MARS1: variants seen among roughly 807,000 people sequenced by gnomAD.
The protein encoded by MARS1 is methionine--tRNA ligase, cytoplasmic.
In MARS1, 80 loss-of-function variants were observed where a neutral mutation model predicts 119.5. The ratio of observed to expected loss-of-function variants is 0.67; its 90% CI spans 0.56 to 0.81. MARS1 has a LOEUF of 0.81. Among genes scored for constraint, MARS1 ranks in the 30% least tolerant of loss-of-function variants. MARS1 has a pLI of 0.00. For synonymous variants in MARS1, 418 were observed against 433.4 expected, an observed-to-expected ratio of 0.96 and a Z score of 0.44; for missense variants, 945 against 1,116.5, an observed-to-expected ratio of 0.85 and a Z score of 2.19.
Position 57,490,212 on chromosome 12 carries a change from C to G in MARS1, c.496C>G (p.Leu166Val), listed in dbSNP as rs760702485. 4 of 1,612,386 alleles carry G rather than the reference C, an allele frequency of 2.5e-6. No individual in the cohort carries two copies. The highest frequency in any genetic ancestry group is 3.4e-6 in the Non-Finnish European group (4 of 1,179,442). ...CTTTTCTTCCATACCCACAGAGGAG[C>G]TGAGTGCCCTGCACAGCTGGTTCCA... ...LQDPAYLPEE[L>V]SALHSWFQTL... Residue 166 changes from leucine to valine, a missense_variant, in exon 6 of 21, where the codon CTG becomes GTG. Transcript: ENST00000262027.
intron 11 of MARS1, among the ~76,000 whole-genome samples, chr12:57,505,164 G>GTTT (rs34010387): frequency 2.8e-5 from 4 of 140,504 alleles, no homozygotes; most frequent in Non-Finnish European, 3.1e-5. Context: ...CTCCTGATTT[G>GTTT]TTTTTTTTTT....
chr12:57,495,401 C>T (rs1471706617), intron 7 of MARS1, among the ~76,000 whole-genome samples: 14 of 143,796 alleles, frequency 9.7e-5, no homozygotes, highest in Admixed American at 4.0e-4. Context: ...ACATCTCAGA[C>T]GGGGCGGCGG....
chr12:57,495,386 T>C (rs1876558832), intron 7 of MARS1, among the ~76,000 whole-genome samples: 1 of 138,994 alleles, frequency 7.2e-6, no homozygotes, highest in African/African-American at 3.0e-5. Context: ...GCAGAGGCGC[T>C]CCTCACATCT....
At chr12:57,516,382 A>T in intron 20 of MARS1, 45 bp downstream of exon 20, 1 of 1,612,288 alleles carries the variant, frequency 6.2e-7, no homozygotes, top group Non-Finnish European at 8.5e-7. Context: ...GCTGAATCCT[A>T]AATAGATCTT....
rs377287485 is a variant in MARS1 at position 57,514,221 on chromosome 12, G to A, written c.1968-499G>A. ...TGCCCAGGCTGGAGTGCAGTGGCGCGATCTTGGCTCACTGCAACCTCCGCC... is the reference window on the plus strand; with the variant it reads ...TGCCCAGGCTGGAGTGCAGTGGCGCAATCTTGGCTCACTGCAACCTCCGCC... On this transcript the variant is annotated intron_variant, in intron 15 of 20. Coordinates refer to ENST00000262027, the MANE Select transcript of MARS1 (RefSeq NM_004990.4). Among the ~76,000 whole-genome samples the A allele has an allele frequency of 2.0e-3, 297 of 145,178 alleles. 3 individuals carry two copies. Among genetic ancestry groups the A allele is most frequent in the South Asian group, 8.0e-3 (36 of 4,490 alleles).
Position 57,500,540 on chromosome 12 carries a change from A to C in MARS1, c.1293+18A>C. 4 of 1,611,938 alleles carry C rather than the reference A, an allele frequency of 2.5e-6. No homozygotes were observed. Among genetic ancestry groups the C allele is most frequent in the Non-Finnish European group, 3.4e-6 (4 of 1,178,576 alleles). On this transcript the variant is annotated intron_variant, in intron 10 of 20. Transcript: ENST00000262027. ...AGCTTAAGGTAAGAGGAGGGTCTCC[A>C]TGGGAGCCCGGAAGGAGACAGTCCT...
At chr12:57,511,028 G>A (rs1389466723) in intron 11 of MARS1, among the ~76,000 whole-genome samples, 1 of 151,638 alleles carries the variant, frequency 6.6e-6, no homozygotes, top group Non-Finnish European at 1.5e-5. Context: ...GAGCCATGAT[G>A]TGCCACTGTA....
chr12:57,490,980 G>A lies in MARS1; in HGVS notation c.770+336G>A, dbSNP rs370755104. ...CAACCTCCGCCTCCCGGGTTCAAGCGAGTCTCCTGCCTTAGCCTCCCAAGT... is the reference window on the plus strand; with the variant it reads ...CAACCTCCGCCTCCCGGGTTCAAGCAAGTCTCCTGCCTTAGCCTCCCAAGT... On this transcript the variant is annotated intron_variant, in intron 7 of 20. Transcript: ENST00000262027. Among the ~76,000 whole-genome samples, 4 of 149,976 alleles carry A rather than the reference G, an allele frequency of 2.7e-5. No individual in the cohort carries two copies. The South Asian group carries it at 6.3e-4, about 24-fold the overall frequency.
At chr12:57,506,075 T>C (rs925169011) in intron 11 of MARS1, among the ~76,000 whole-genome samples, 1 of 151,938 alleles carries the variant, frequency 6.6e-6, no homozygotes, top group African/African-American at 2.4e-5. Context: ...CTGGGCAACA[T>C]GGTGAGACCC....
chr12:57,493,336 T>C (rs1396635954), intron 7 of MARS1, among the ~76,000 whole-genome samples: 8 of 102,840 alleles, frequency 7.8e-5, no homozygotes, highest in African/African-American at 1.6e-4. Flanking sequence ...ATATATAATA[T>C]ATGTTATATA....
chr12:57,498,613 C>A lies in MARS1; in HGVS notation c.1081C>A (p.Gln361Lys). 1 of 1,614,098 alleles carries A rather than the reference C, an allele frequency of 6.2e-7. No individual in the cohort carries two copies. The highest frequency in any genetic ancestry group is 1.1e-5 in the South Asian group (1 of 91,086). ...FDIFGRTTTP[Q>K]QTKITQDIFQ... is the part of the protein sequence containing the mutation. ...TATTTTTGGTCGCACCACCACTCCACAGCAGACCAAGTAAGTTTCCTCTAA... is the reference window on the plus strand; with the variant it reads ...TATTTTTGGTCGCACCACCACTCCAAAGCAGACCAAGTAAGTTTCCTCTAA... Residue 361 changes from glutamine to lysine, a missense_variant, in exon 9 of 21, where the codon CAG becomes AAG. Gln to Lys is a moderately conservative substitution (Grantham distance 53, BLOSUM62 1). Coordinates refer to ENST00000262027, the MANE Select transcript of MARS1 (RefSeq NM_004990.4).
intron 15 of MARS1, among the ~76,000 whole-genome samples, chr12:57,513,287 T>G: frequency 6.6e-6 from 1 of 152,078 alleles, no homozygotes; most frequent in East Asian, 1.9e-4. Flanking sequence ...CATTGAAAAG[T>G]TTGGCTGAAG....
At chr12:57,493,847 A>G (rs1224607101) in intron 7 of MARS1, among the ~76,000 whole-genome samples, 1 of 4,960 alleles carries the variant, frequency 2.0e-4, no homozygotes, top group Non-Finnish European at 2.6e-3. Context: ...TATAATATAT[A>G]ATATATATAT....
At chr12:57,510,427 C>T (rs887810418) in intron 11 of MARS1, among the ~76,000 whole-genome samples, 4 of 151,586 alleles carry the variant, frequency 2.6e-5, no homozygotes, top group African/African-American at 7.3e-5. Context: ...GAGCTGAGAT[C>T]GTGCCACTGC....
At chr12:57,514,157 CTTTT>C (rs568624285) in intron 15 of MARS1, among the ~76,000 whole-genome samples, 3 of 131,218 alleles carry the variant, frequency 2.3e-5, no homozygotes, top group Admixed American at 7.8e-5. Context: ...TGAGTAATGA[CTTTT>C]TTTTTTTTTT....
intron 7 of MARS1, among the ~76,000 whole-genome samples, chr12:57,493,841 A>G (rs1231540095): frequency 2.8e-4 from 1 of 3,614 alleles, no homozygotes; most frequent in Non-Finnish European, 3.5e-3. Flanking sequence ...ATATATTATA[A>G]TATATAATAT....
chr12:57,507,877 G>T (rs1469011380), intron 11 of MARS1, among the ~76,000 whole-genome samples: 1 of 151,110 alleles, frequency 6.6e-6, no homozygotes, highest in Non-Finnish European at 1.5e-5. Context: ...GGTAGCTGCC[G>T]GGCGGAGGGG....
chr12:57,512,578 C>A, intron 14 of MARS1, 173 bp from the exon 15 acceptor site: 1 of 650,812 alleles, frequency 1.5e-6, no homozygotes, highest in Non-Finnish European at 2.7e-6. Flanking sequence ...AAAAAAGGGC[C>A]AGAATGGATA....
chr12:57,516,274 A>G lies in MARS1; in HGVS notation c.2493A>G (p.Val831=). ...AAACGTCCCCGAAGCCAGCAGTTGT[A>G]GAGACTGTTACAACAGCCAAGCCAC... ...QAKTSPKPAV[V]ETVTTAKPQQ... The change falls in exon 20 of 21, where the codon GTA becomes GTG. Residue 831 remains valine, a synonymous_variant. Transcript: ENST00000262027. 1 of 1,614,238 alleles carries G rather than the reference A, an allele frequency of 6.2e-7. No individual in the cohort carries two copies.
Sources: allele counts gnomAD v4.1 joint callset (sites outside exome capture counted in the v4.1 genomes callset), GRCh38; gene constraint gnomAD v4.1.1; transcripts MANE v1.5; gene names NCBI Gene and HGNC (gene_info 2026-07-23, HGNC 2026-07-21).